PRKG1: variants seen among roughly 807,000 people sequenced by gnomAD.
PRKG1 encodes cGMP-dependent protein kinase 1.
In PRKG1, 35 loss-of-function variants were observed where a neutral mutation model predicts 88.1. The observed-to-expected ratio is 0.40, with a 90% CI of 0.30 to 0.53. The LOEUF is 0.53. PRKG1 is among the 20% of genes least tolerant of loss of function. The probability of loss-of-function intolerance (pLI) is 0.59; values close to 1 mark genes in which losing one functional copy is unlikely to be tolerated. For synonymous variants in PRKG1, 303 were observed against 292.5 expected, an observed-to-expected ratio of 1.04 and a Z score of -0.37; for missense variants, 540 against 839.8, an observed-to-expected ratio of 0.64 and a Z score of 4.41.
intron 10 of PRKG1, among the ~76,000 whole-genome samples, chr10:52,260,000 A>G (rs1471904205): frequency 3.3e-5 from 5 of 151,872 alleles, no homozygotes; most frequent in Non-Finnish European, 7.4e-5. Context: ...TCCTTAATTT[A>G]CTTTTATCTG....
chr10:51,175,736 C>T (rs555054309), intron 2 of PRKG1, among the ~76,000 whole-genome samples: 1 of 152,174 alleles, frequency 6.6e-6, no homozygotes, highest in East Asian at 1.9e-4. Context: ...GGACCAGCAG[C>T]AACAGTATCT....
rs192777666 is a variant in PRKG1 at position 52,125,496 on chromosome 10, A to G, written c.936-8344A>G. ...CAATGTTTCCATTAGAGTAGCCCTC[A>G]CTTATCTGCAGGGAATATATATCCC... is the stretch of plus-strand genomic sequence containing the variant. On this transcript the variant is annotated intron_variant, in intron 7 of 17. Transcript: ENST00000373980. Among the ~76,000 whole-genome samples the G allele has an allele frequency of 2.6e-5, 4 of 152,270 alleles. No homozygotes were observed. The East Asian group carries it at 5.8e-4, about 22-fold the overall frequency.
rs148990913 is a variant in PRKG1 at position 51,858,808 on chromosome 10, C to G, written c.699-48699C>G. ...AAGGCACTTTCAAACCTGCTCTGGGCTACAGGCTTTTCCCATTATGCCTTA... is the reference window on the plus strand; with the variant it reads ...AAGGCACTTTCAAACCTGCTCTGGGGTACAGGCTTTTCCCATTATGCCTTA... On this transcript the variant is annotated intron_variant, in intron 4 of 17. Transcript: ENST00000373980. 6.7e-4 allele frequency among the ~76,000 whole-genome samples: 102 copies of G among 152,200 alleles called. 1 individual carries two copies. Among genetic ancestry groups the G allele is most frequent in the African/African-American group, 2.4e-3 (100 of 41,548 alleles).
At chr10:51,761,236 T>C (rs1404841303) in intron 3 of PRKG1, among the ~76,000 whole-genome samples, 1 of 152,264 alleles carries the variant, frequency 6.6e-6, no homozygotes, top group Non-Finnish European at 1.5e-5. Flanking sequence ...ATTTGTGTCT[T>C]TAATTAGATT....
intron 3 of PRKG1, among the ~76,000 whole-genome samples, chr10:51,712,975 GT>G (rs10593003): frequency 0.085 from 12,663 of 149,436 alleles, 671 homozygotes; most frequent in African/African-American, 0.14. Flanking sequence ...CTCTATGAGG[GT>G]TTTTTTTTTT....
intron 1 of PRKG1, among the ~76,000 whole-genome samples, chr10:51,019,707 C>G (rs1354967195): frequency 6.6e-6 from 1 of 150,868 alleles, no homozygotes. Context: ...GTAAAAAAAC[C>G]CCACAGAATG....
intron 5 of PRKG1, among the ~76,000 whole-genome samples, chr10:51,937,644 A>C (rs1842823642): frequency 6.6e-6 from 1 of 152,004 alleles, no homozygotes; most frequent in Non-Finnish European, 1.5e-5. Context: ...TAGAAATAAT[A>C]CTTTGTTTTC....
intron 7 of PRKG1, among the ~76,000 whole-genome samples, chr10:52,110,510 G>A (rs968776542): frequency 6.6e-6 from 1 of 151,820 alleles, no homozygotes; most frequent in African/African-American, 2.4e-5. Context: ...GAAAAATATT[G>A]AGAAAATTTT....
intron 5 of PRKG1, among the ~76,000 whole-genome samples, chr10:52,008,185 C>T (rs562895216): frequency 6.6e-6 from 1 of 152,090 alleles, no homozygotes; most frequent in East Asian, 1.9e-4. Context: ...AGAAAGATCT[C>T]AAATTAACAA....
chr10:51,920,771 T>TA (rs1265081227), intron 5 of PRKG1, among the ~76,000 whole-genome samples: 1 of 152,128 alleles, frequency 6.6e-6, no homozygotes, highest in Non-Finnish European at 1.5e-5. Context: ...GAACTGTTTC[T>TA]AATTTTACTT....
At chr10:51,014,808 G>T (rs1033998635) in intron 1 of PRKG1, among the ~76,000 whole-genome samples, 4 of 152,174 alleles carry the variant, frequency 2.6e-5, no homozygotes, top group East Asian at 1.9e-4. Context: ...GGCTGAGAAA[G>T]CTGGTCTGTG....
intron 7 of PRKG1, chr10:52,081,486 T>A: frequency 2.3e-6 from 1 of 430,968 alleles, no homozygotes; most frequent in Non-Finnish European, 4.7e-6. Flanking sequence ...ACCACCTAGC[T>A]AAAAAGTCAA....
chr10:50,991,587 C>G lies in PRKG1; in HGVS notation c.209C>G (p.Thr70Arg), dbSNP rs568266579. 15 of 1,595,282 alleles carry G rather than the reference C, an allele frequency of 9.4e-6. No homozygotes were observed. In the East Asian group the frequency reaches 1.1e-4, roughly 12 times the overall value. Residue 70 changes from threonine (T) to arginine (R), a missense_variant, in exon 1 of 18, where the codon ACG becomes AGG. Transcript: ENST00000401604. This position sits in a 1 kb window ranked among gnomAD's most constrained non-coding sequence, Gnocchi z 4.5. Reference sequence around the variant, plus strand: ...CAGGGCATCTCGGCCGAGCCGCAGACGTACAGGTCCTTCCACGACCTCCGA... The same window carrying G: ...CAGGGCATCTCGGCCGAGCCGCAGAGGTACAGGTCCTTCCACGACCTCCGA...
intron 5 of PRKG1, among the ~76,000 whole-genome samples, chr10:51,913,069 C>T (rs143003220): frequency 1.9e-3 from 293 of 152,236 alleles, no homozygotes; most frequent in African/African-American, 6.3e-3. Context: ...GCTGGGATTA[C>T]GGGTGTGTGC....
chr10:52,264,627 G>A (rs992990886), intron 10 of PRKG1, among the ~76,000 whole-genome samples: 1 of 152,008 alleles, frequency 6.6e-6, no homozygotes, highest in African/African-American at 2.4e-5. Context: ...GATTTCCTGA[G>A]TAAAATTTTG....
chr10:51,533,024 C>T (rs1366316519), intron 3 of PRKG1, among the ~76,000 whole-genome samples: 2 of 152,150 alleles, frequency 1.3e-5, no homozygotes, highest in African/African-American at 4.8e-5. Context: ...AGATGGAGAA[C>T]CTGACAGTTC....
At chr10:51,671,682 G>T (rs1337623741) in intron 3 of PRKG1, among the ~76,000 whole-genome samples, 2 of 151,854 alleles carry the variant, frequency 1.3e-5, no homozygotes, top group Non-Finnish European at 2.9e-5. Flanking sequence ...CACCTCCCGG[G>T]TTCAAACAAT....
intron 2 of PRKG1, among the ~76,000 whole-genome samples, chr10:51,449,611 C>T (rs922061931): frequency 7.3e-5 from 2 of 27,214 alleles, no homozygotes; most frequent in African/African-American, 5.1e-4. Context: ...GTTTTCTTAG[C>T]ATTCAAGCAT....
chr10:51,122,419 T>C (rs1845281111), intron 1 of PRKG1, among the ~76,000 whole-genome samples: 1 of 152,156 alleles, frequency 6.6e-6, no homozygotes, highest in Non-Finnish European at 1.5e-5. Flanking sequence ...TTCCAGATAA[T>C]GGCTAAGTGA....
Sources: gnomAD v4.1 joint callset for allele counts (sites outside exome capture counted in the v4.1 genomes callset) on GRCh38, gnomAD v4.1.1 for gene constraint, Gnocchi (gnomAD v3.1) non-coding constraint, MANE v1.5 for transcripts, NCBI Gene and HGNC (gene_info 2026-07-23, HGNC 2026-07-21) for gene names.